Variants in GAS2 observed in about 807,000 individuals in gnomAD.
The protein encoded by GAS2 is growth arrest specific 2, also known as growth arrest-specific protein 2.
A neutral mutation model predicts 37.5 loss-of-function variants in GAS2; 20 were observed. The observed-to-expected ratio is 0.53, with a 90% confidence interval of 0.37 to 0.77. The LOEUF (loss-of-function observed/expected upper bound fraction) is 0.77. GAS2 is among the 30% of genes least tolerant of loss of function. The pLI, the probability that GAS2 is intolerant of heterozygous loss-of-function variation, is 0.00. For synonymous variants in GAS2, 144 were observed against 132.2 expected (o/e 1.09, Z -0.61); for missense variants, 336 against 373.4 (o/e 0.90, Z 0.82).
chr11:22,647,624 G>A (rs1156863546), intron 1 of GAS2, among the ~76,000 whole-genome samples: 1 of 152,204 alleles, frequency 6.6e-6, no homozygotes. Context: ...TCTAACTGGT[G>A]TGAGACGGTA....
intron 1 of GAS2, among the ~76,000 whole-genome samples, chr11:22,667,409 A>G (rs1383464750): frequency 6.6e-6 from 1 of 152,106 alleles, no homozygotes; most frequent in Non-Finnish European, 1.5e-5. Context: ...GGATGGGAGG[A>G]AAGAGCGCCA....
At position 22,669,336 on chromosome 11, in the gene GAS2, TA is replaced by T. The variant is rs546647300; in HGVS notation, c.-21+2444del. Among the ~76,000 whole-genome samples, 13 of 152,282 alleles carry T rather than the reference TA, an allele frequency of 8.5e-5. No homozygotes were observed. The East Asian group carries it at 2.1e-3, about 25-fold the overall frequency. On this transcript the variant is annotated intron_variant, in intron 1 of 7. Transcript: ENST00000454584. ...TGTTCCAAGCTAATCTGGTAGGGGT[TA>T]AAAAAACCTATGCTAAATTGTTTGG...
chr11:22,776,063 C>T (rs1291896048), intron 7 of GAS2, among the ~76,000 whole-genome samples: 2 of 152,108 alleles, frequency 1.3e-5, no homozygotes, highest in Admixed American at 6.5e-5. Context: ...TTTGGGTACG[C>T]GTTAACACAA....
chr11:22,654,891 T>C (rs1259559583), intron 1 of GAS2, among the ~76,000 whole-genome samples: 1 of 152,190 alleles, frequency 6.6e-6, no homozygotes, highest in Admixed American at 6.5e-5. Context: ...CATACTAGTC[T>C]TCATGATTAG....
At chr11:22,658,089 G>A (rs537141054) in intron 1 of GAS2, among the ~76,000 whole-genome samples, 41 of 150,330 alleles carry the variant, frequency 2.7e-4, no homozygotes, top group South Asian at 1.1e-3. Flanking sequence ...GCAGTGACAC[G>A]ATCTCAGCTC....
At chr11:22,722,534 AT>A (rs956018572) in intron 3 of GAS2, among the ~76,000 whole-genome samples, 2 of 151,890 alleles carry the variant, frequency 1.3e-5, no homozygotes, top group African/African-American at 4.8e-5. Context: ...TTTCTATCCA[AT>A]TTAGGTTCAG....
intron 7 of GAS2, among the ~76,000 whole-genome samples, chr11:22,794,996 T>TCAACA (rs1328650425): frequency 1.3e-5 from 2 of 152,160 alleles, no homozygotes; most frequent in African/African-American, 4.8e-5. Flanking sequence ...ATATATTTAT[T>TCAACA]CAACATCTAT....
chr11:22,713,976 A>C (rs1028656946), intron 3 of GAS2, among the ~76,000 whole-genome samples: 1 of 152,146 alleles, frequency 6.6e-6, no homozygotes, highest in Admixed American at 6.6e-5. Context: ...GAGAAAAAAA[A>C]CAGGGTATTC....
At chr11:22,666,036 C>T (rs1173528802), upstream of GAS2, among the ~76,000 whole-genome samples, 1 of 152,208 alleles carries the variant, frequency 6.6e-6, no homozygotes, top group Admixed American at 6.5e-5. Flanking sequence ...ACTCAGCAAG[C>T]GGTCCCCGCG....
At chr11:22,747,254 T>A (rs1478729070) in intron 5 of GAS2, among the ~76,000 whole-genome samples, 1 of 152,158 alleles carries the variant, frequency 6.6e-6, no homozygotes, top group Non-Finnish European at 1.5e-5. Context: ...TGTGCCAAGA[T>A]CTTATGTAAG....
At chr11:22,799,516 C>G (rs2134631140) in intron 7 of GAS2, among the ~76,000 whole-genome samples, 1 of 152,038 alleles carries the variant, frequency 6.6e-6, no homozygotes, top group East Asian at 1.9e-4. Context: ...TCTCTTGATT[C>G]TCAATACAAT....
chr11:22,771,988 C>A (rs1020451254), intron 7 of GAS2, among the ~76,000 whole-genome samples: 3 of 151,638 alleles, frequency 2.0e-5, no homozygotes, highest in African/African-American at 7.3e-5. Flanking sequence ...ATTTATTATC[C>A]CCATTAATAA....
chr11:22,635,043 C>T (rs1858802903), intron 1 of GAS2, among the ~76,000 whole-genome samples: 1 of 152,162 alleles, frequency 6.6e-6, no homozygotes, highest in Non-Finnish European at 1.5e-5. Flanking sequence ...CAGTTGGCCT[C>T]CAGCCAGGAG....
intron 7 of GAS2, among the ~76,000 whole-genome samples, chr11:22,786,459 T>C (rs901576671): frequency 6.6e-6 from 1 of 152,208 alleles, no homozygotes. Context: ...TATCCACTTA[T>C]TCATGCAGAA....
intron 4 of GAS2, among the ~76,000 whole-genome samples, chr11:22,734,517 G>T (rs1852647516): frequency 6.6e-6 from 1 of 151,280 alleles, no homozygotes; most frequent in Non-Finnish European, 1.5e-5. Context: ...TCTAGTAACT[G>T]ACACATTATG....
intron 3 of GAS2, 83 bp from the exon 4 acceptor site, chr11:22,726,209 C>A (rs1380837402): frequency 2.4e-5 from 33 of 1,385,488 alleles, no homozygotes; most frequent in Admixed American, 4.6e-5. Flanking sequence ...AATTCCGAAG[C>A]ATTTTGTTGA....
chr11:22,693,818 C>A (rs1379184202), intron 3 of GAS2, among the ~76,000 whole-genome samples: 3 of 152,164 alleles, frequency 2.0e-5, no homozygotes, highest in Non-Finnish European at 2.9e-5. Context: ...GACTTGAGAT[C>A]ATTACTGCCT....
At chr11:22,799,988 G>T (rs1030550530) in intron 7 of GAS2, among the ~76,000 whole-genome samples, 2 of 152,018 alleles carry the variant, frequency 1.3e-5, no homozygotes, top group Non-Finnish European at 2.9e-5. Context: ...CATGTATAAA[G>T]GCAGGAAACT....
At chr11:22,672,411 A>T (rs1849240710) in intron 1 of GAS2, among the ~76,000 whole-genome samples, 1 of 152,188 alleles carries the variant, frequency 6.6e-6, no homozygotes. Context: ...GAGGGAAAGG[A>T]TTGTGTCCTT....
Sources: gnomAD v4.1 joint callset for allele counts (sites outside exome capture counted in the v4.1 genomes callset) on GRCh38, gnomAD v4.1.1 for gene constraint, MANE v1.5 for transcripts, NCBI Gene and HGNC (gene_info 2026-07-23, HGNC 2026-07-21) for gene names.